The following TRIM2 variants were observed in gnomAD, a reference collection of about 807,000 sequenced individuals.
The protein encoded by TRIM2 is tripartite motif containing 2, also known as tripartite motif-containing protein 2.
In TRIM2, 20 loss-of-function variants were observed where a neutral mutation model predicts 75.2. The ratio of observed to expected loss-of-function variants is 0.27; its 90% CI spans 0.19 to 0.39. The LOEUF (loss-of-function observed/expected upper bound fraction) is 0.39, where lower values mean the gene tolerates loss of function less well. Among genes scored for constraint, TRIM2 ranks in the 10% least tolerant of loss-of-function variants. TRIM2 has a pLI of 1.00. For missense variants in TRIM2, 660 were observed against 990.8 expected, an observed-to-expected ratio of 0.67 and a Z score of 4.48; for synonymous variants, 373 against 388.3, an observed-to-expected ratio of 0.96 and a Z score of 0.46.
intron 1 of TRIM2, among the ~76,000 whole-genome samples, chr4:153,236,163 C>G (rs1042173436): frequency 5.3e-5 from 8 of 152,068 alleles, no homozygotes; most frequent in African/African-American, 1.7e-4. Flanking sequence ...TTTACTGAGG[C>G]CTTCCCAGTC....
chr4:153,310,843 A>G (rs1317618920), intron 6 of TRIM2, among the ~76,000 whole-genome samples: 1 of 152,234 alleles, frequency 6.6e-6, no homozygotes, highest in Non-Finnish European at 1.5e-5. Context: ...GCAATGTTAG[A>G]CAAACAGACA....
At chr4:153,303,439 C>T (rs1764353428) in intron 6 of TRIM2, among the ~76,000 whole-genome samples, 1 of 150,692 alleles carries the variant, frequency 6.6e-6, no homozygotes, top group South Asian at 2.1e-4. Context: ...TGCCACTGTA[C>T]TCCAGCCTGG....
intron 1 of TRIM2, among the ~76,000 whole-genome samples, chr4:153,187,660 G>A (rs749413358): frequency 2.6e-5 from 4 of 152,228 alleles, no homozygotes; most frequent in Non-Finnish European, 4.4e-5. Context: ...TGAGGAGCCT[G>A]TCACAGAGCC....
At chr4:153,268,266 C>G (rs1227806773) in intron 1 of TRIM2, among the ~76,000 whole-genome samples, 4 of 152,172 alleles carry the variant, frequency 2.6e-5, no homozygotes, top group Non-Finnish European at 4.4e-5. Flanking sequence ...GCTGCATGGC[C>G]CCTAAACCTT....
chr4:153,240,804 C>T (rs1296645110), intron 1 of TRIM2, among the ~76,000 whole-genome samples: 1 of 152,204 alleles, frequency 6.6e-6, no homozygotes, highest in Non-Finnish European at 1.5e-5. Context: ...CCTGGCCGGG[C>T]GTGGTGGCTC....
intron 1 of TRIM2, among the ~76,000 whole-genome samples, chr4:153,196,272 C>T (rs369385411): frequency 7.5e-6 from 1 of 132,906 alleles, no homozygotes. Context: ...CACCCCCCCC[C>T]ACACACACAC....
chr4:153,212,504 T>C (rs1434144291), intron 1 of TRIM2, among the ~76,000 whole-genome samples: 1 of 152,112 alleles, frequency 6.6e-6, no homozygotes, highest in Admixed American at 6.6e-5. Flanking sequence ...TATTTCCATG[T>C]AAGAAAGCTG....
chr4:153,183,262 G>A (rs1732258120), intron 1 of TRIM2, among the ~76,000 whole-genome samples: 1 of 152,296 alleles, frequency 6.6e-6, no homozygotes, highest in East Asian at 1.9e-4. Flanking sequence ...TCTCCTCCTT[G>A]TACCTGCTTT....
chr4:153,248,655 C>A lies in TRIM2; in HGVS notation c.31-21680C>A, dbSNP rs1749960408. Among the ~76,000 whole-genome samples, 1 of 152,248 alleles carries A rather than the reference C, an allele frequency of 6.6e-6. No individual in the cohort carries two copies. The highest frequency in any genetic ancestry group is 1.5e-5 in the Non-Finnish European group (1 of 68,046). ...GATAAAGCAAATCCAGATATGTCTC[C>A]AGAGCCCGTGCCTTAATCGCAGATG... On this transcript the variant is annotated intron_variant, in intron 1 of 11. Transcript: ENST00000338700. This position sits in a 1 kb window ranked among gnomAD's most constrained non-coding sequence, Gnocchi z 4.0.
intron 1 of TRIM2, among the ~76,000 whole-genome samples, chr4:153,247,392 G>A (rs1250151972): frequency 6.6e-6 from 1 of 152,164 alleles, no homozygotes; most frequent in Non-Finnish European, 1.5e-5. Context: ...AAAGTGTTTA[G>A]GCACCAGGCG....
chr4:153,230,337 T>C (rs1743288623), intron 1 of TRIM2, among the ~76,000 whole-genome samples: 1 of 152,146 alleles, frequency 6.6e-6, no homozygotes, highest in South Asian at 2.1e-4. Flanking sequence ...CATGCCACCA[T>C]GACTGGCTAC....
At chr4:153,175,450 C>A (rs539284525) in intron 1 of TRIM2, among the ~76,000 whole-genome samples, 41 of 152,128 alleles carry the variant, frequency 2.7e-4, no homozygotes, top group African/African-American at 8.9e-4. Flanking sequence ...TGGCCTTCAC[C>A]GAGACTGGAC....
intron 2 of TRIM2, 65 bp downstream of exon 2, chr4:153,270,584 A>C: frequency 7.2e-7 from 1 of 1,390,736 alleles, no homozygotes; most frequent in Non-Finnish European, 9.7e-7. Context: ...CTACTGCAGG[A>C]TTCTTTCCCA....
At chr4:153,263,832 A>G (rs1476692880) in intron 1 of TRIM2, among the ~76,000 whole-genome samples, 1 of 152,210 alleles carries the variant, frequency 6.6e-6, no homozygotes, top group African/African-American at 2.4e-5. Context: ...CACATGGCAG[A>G]GAGCAGACAG....
chr4:153,175,755 G>C (rs1320834808), intron 1 of TRIM2, among the ~76,000 whole-genome samples: 1 of 152,162 alleles, frequency 6.6e-6, no homozygotes, highest in East Asian at 1.9e-4. Flanking sequence ...GACTGGAAAG[G>C]ACATTATTGG....
chr4:153,217,109 A>C (rs992428573), intron 1 of TRIM2, among the ~76,000 whole-genome samples: 2 of 152,110 alleles, frequency 1.3e-5, no homozygotes, highest in East Asian at 3.8e-4. Flanking sequence ...TTTTCTGCTC[A>C]TGTTTCTGTT....
intron 1 of TRIM2, among the ~76,000 whole-genome samples, chr4:153,176,207 A>G (rs1470844015): frequency 6.6e-6 from 1 of 151,986 alleles, no homozygotes; most frequent in African/African-American, 2.4e-5. Flanking sequence ...TAATTTTGGC[A>G]CTTTGGGAGG....
chr4:153,256,244 G>A (rs1206116718), intron 1 of TRIM2, among the ~76,000 whole-genome samples: 1 of 152,120 alleles, frequency 6.6e-6, no homozygotes, highest in South Asian at 2.1e-4. Flanking sequence ...GCATTTCTGG[G>A]GTCTGTCAAT....
At chr4:153,154,905 C>T (rs28565086) in intron 1 of TRIM2, among the ~76,000 whole-genome samples, 18 of 152,124 alleles carry the variant, frequency 1.2e-4, no homozygotes, top group East Asian at 5.8e-4. Context: ...TTTGGGAGGC[C>T]GAGGCAGGCG....
Sources: gnomAD v4.1 joint callset for allele counts (sites outside exome capture counted in the v4.1 genomes callset) on GRCh38, gnomAD v4.1.1 for gene constraint, Gnocchi (gnomAD v3.1) non-coding constraint, MANE v1.5 for transcripts, NCBI Gene and HGNC (gene_info 2026-07-23, HGNC 2026-07-21) for gene names.